Variants in VARS1 observed in about 807,000 individuals in gnomAD.
VARS1 encodes valyl-tRNA synthetase 1.
VARS1 carries 92 observed loss-of-function variants against 161.0 expected under a neutral mutation model. That is an observed-to-expected ratio of 0.57 (90% CI 0.48 to 0.68). The LOEUF is 0.68. VARS1 is among the 30% of genes least tolerant of loss of function. VARS1 has a pLI of 0.00. For missense variants in VARS1, 1,338 were observed against 1,695.9 expected (o/e 0.79, Z 3.71); for synonymous variants, 595 against 682.5 (o/e 0.87, Z 2.00).
chr6:31,791,736 C>G lies in VARS1; in HGVS notation c.974G>C (p.Arg325Pro). 1 of 1,613,010 alleles carries G rather than the reference C, an allele frequency of 6.2e-7. No individual in the cohort carries two copies. Among genetic ancestry groups the G allele is most frequent in the Non-Finnish European group, 8.5e-7 (1 of 1,179,998 alleles). Residue 325 changes from arginine (R) to proline (P), a missense_variant and splice_region_variant, in exon 8 of 30, where the codon CGT becomes CCT. Transcript: ENST00000375663. The surrounding 1 kb of genome is among the most constrained non-coding windows in gnomAD (Gnocchi z 5.0). ...GGGATTTGCTGCTGACACATTAGGA[C>G]GCTGATGGTGGAGAAGGATGGCACA... ...QQGFFKPEYG[R>P]PNVSAANPRG...
rs940705577 is a variant in VARS1, at chr6:31,781,826, A to C, written c.2347+21T>G. On this transcript the variant is annotated intron_variant, in intron 19 of 29. Coordinates refer to ENST00000375663, the MANE Select transcript of VARS1 (RefSeq NM_006295.3). The surrounding 1 kb of genome is among the most constrained non-coding windows in gnomAD (Gnocchi z 6.8). ...CTCTGCCCCCCACAACTCCCTCCAG[A>C]CCCTCAAAGCCCCGCCTTGCCTTGC... 6.2e-7 allele frequency: 1 copy of C among 1,612,628 alleles called. No individual in the cohort carries two copies. Among genetic ancestry groups the C allele is most frequent in the Non-Finnish European group, 8.5e-7 (1 of 1,179,938 alleles).
At position 31,780,405 on chromosome 6, in the gene VARS1, G is replaced by A; in HGVS notation, c.2925+36C>T. On this transcript the variant is annotated intron_variant, in intron 25 of 29. Transcript: ENST00000375663. The surrounding 1 kb of genome is among the most constrained non-coding windows in gnomAD (Gnocchi z 5.1). ...CTCCGGACAGGGGTACAGCCTGTGT[G>A]AGTGCTGCCAGCTTTGCTGCCCACC... is the stretch of plus-strand genomic sequence containing the variant. 6.2e-7 allele frequency: 1 copy of A among 1,601,462 alleles called. No individual in the cohort carries two copies. The highest frequency in any genetic ancestry group is 8.5e-7 in the Non-Finnish European group (1 of 1,173,790).
At position 31,785,386 on chromosome 6, in the gene VARS1, G is replaced by T; in HGVS notation, c.1266-59C>A. On this transcript the variant is annotated intron_variant, in intron 9 of 29. Transcript: ENST00000375663. This position sits in a 1 kb window ranked among gnomAD's most constrained non-coding sequence, Gnocchi z 6.1. ...CCTGGGCTAGAGGGAGACATCAGGT[G>T]GCTGACTGGGCAGTGTGGAGATCAC... is the stretch of plus-strand genomic sequence containing the variant. 1 of 1,601,046 alleles carries T rather than the reference G, an allele frequency of 6.2e-7. No homozygotes were observed. The highest frequency in any genetic ancestry group is 8.5e-7 in the Non-Finnish European group (1 of 1,170,896).
chr6:31,791,901 C>A lies in VARS1; in HGVS notation c.942G>T (p.Glu314Asp). 1 of 1,607,974 alleles carries A rather than the reference C, an allele frequency of 6.2e-7. No individual in the cohort carries two copies. Residue 314 changes from glutamate (E) to aspartate (D), a missense_variant, in exon 7 of 30, where the codon GAG (glutamate) becomes GAT (aspartate). Physicochemically the swap from Glu to Asp is conservative, Grantham distance 45. Transcript: ENST00000375663. The surrounding 1 kb of genome is among the most constrained non-coding windows in gnomAD (Gnocchi z 5.0). ...ACTCTGGCTTGAAGAAGCCCTGCTG[C>A]TCCCACCAAGGGTACCAGGCAGCCT... ...YVEAAWYPWW[E>D]QQGFFKPEYG...
At position 31,780,477 on chromosome 6, in the gene VARS1, G is replaced by T. The variant is rs1243611892; in HGVS notation, c.2889C>A (p.Gly963=). 2.5e-6 allele frequency: 4 copies of T among 1,614,008 alleles called. No individual in the cohort carries two copies. The highest frequency in any genetic ancestry group is 3.4e-6 in the Non-Finnish European group (4 of 1,179,992). ...GTGAGGGCACAAAACCCTTCCCAAGGCCACGAAGGGCAAACTTGGTGGCAT... is the reference window on the plus strand; with the variant it reads ...GTGAGGGCACAAAACCCTTCCCAAGTCCACGAAGGGCAAACTTGGTGGCAT... ...LWNATKFALR[G]LGKGFVPSPT... Residue 963 remains glycine (G), a synonymous_variant, in exon 25 of 30, where the codon GGC becomes GGA. Transcript: ENST00000375663. This position sits in a 1 kb window ranked among gnomAD's most constrained non-coding sequence, Gnocchi z 5.1.
chr6:31,788,030 G>A lies in VARS1; in HGVS notation c.1101-2297C>T, dbSNP rs1230425260. The stretch of plus-strand genomic sequence containing the variant: ...AGCTACTCAGGAGGCTGAGGCAGGA[G>A]AATGGTGTGAACCTGGGAGGAGGAG... On this transcript the variant is annotated intron_variant, in intron 8 of 29. Coordinates refer to ENST00000375663, the MANE Select transcript of VARS1 (RefSeq NM_006295.3). Among the ~76,000 whole-genome samples, 3 of 151,684 alleles carry A rather than the reference G, an allele frequency of 2.0e-5. No individual in the cohort carries two copies. The East Asian group carries it at 5.8e-4, about 30-fold the overall frequency.
chr6:31,795,367 G>C lies in VARS1; in HGVS notation c.-33-117C>G. On this transcript the variant is annotated intron_variant, in intron 1 of 29. Coordinates refer to ENST00000375663, the MANE Select transcript of VARS1 (RefSeq NM_006295.3). This position sits in a 1 kb window ranked among gnomAD's most constrained non-coding sequence, Gnocchi z 6.9. ...GCAGACACCCGAGTCCCATAGGACT[G>C]AGGGTCTGACCAGGCAGGCTGTCAG... 1.5e-6 allele frequency: 1 copy of C among 673,138 alleles called. No individual in the cohort carries two copies. Among genetic ancestry groups the C allele is most frequent in the Non-Finnish European group, 2.1e-6 (1 of 473,180 alleles). The allele number at this position is 673,138 out of a possible 1,614,324, so 41.7% of individuals were successfully genotyped here.
rs776001857 is a variant in VARS1 at position 31,779,506 on chromosome 6, C to T, written c.3319G>A (p.Ala1107Thr). The change falls in exon 28 of 30, where the codon GCC becomes ACC. Residue 1107 changes from alanine to threonine, a missense_variant. Physicochemically the swap from Ala to Thr is moderately conservative, Grantham distance 58 (BLOSUM62 0). Coordinates refer to ENST00000375663, the MANE Select transcript of VARS1 (RefSeq NM_006295.3). The surrounding 1 kb of genome is among the most constrained non-coding windows in gnomAD (Gnocchi z 9.1). ...GTGATGCTTAGCGCCAGCTCAAGGG[C>T]GGCTTCTGCCTCGGGGTCCTTCCAG... ...CSWKDPEAEA[A>T]LELALSITRA... 2.1e-5 allele frequency: 34 copies of T among 1,612,324 alleles called. No individual in the cohort carries two copies. The highest frequency in any genetic ancestry group is 1.3e-4 in the South Asian group (12 of 91,062).
chr6:31,792,917 T>C (rs111778263), intron 3 of VARS1, 22 bp from the exon 4 acceptor site: 1 of 1,614,068 alleles, frequency 6.2e-7, no homozygotes, highest in Non-Finnish European at 8.5e-7. Context: ...AATAAATGAC[T>C]CTTCTCAGTC....
chr6:31,791,684 T>C lies in VARS1; in HGVS notation c.1026A>G (p.Pro342=), dbSNP rs1686749797. 5 of 1,612,076 alleles carry C rather than the reference T, an allele frequency of 3.1e-6. No individual in the cohort carries two copies. The highest frequency in any genetic ancestry group is 4.2e-6 in the Non-Finnish European group (5 of 1,179,846). The change falls in exon 8 of 30, where the codon CCA becomes CCG. Residue 342 remains proline (P), a synonymous_variant. Transcript: ENST00000375663. This position sits in a 1 kb window ranked among gnomAD's most constrained non-coding sequence, Gnocchi z 5.0. ...GCAGGGAGCCTGTCACATTGGGGGG[T>C]GGGATGCACATCATGAAGACACCTC... The part of the protein sequence containing the change: ...NPRGVFMMCI[P]PPNVTGSLHL...
rs140366323 is a variant in VARS1, at chr6:31,781,871, G to T, written c.2323C>A (p.Pro775Thr). The T allele has an allele frequency of 6.2e-7, 1 of 1,612,848 alleles. No individual in the cohort carries two copies. The highest frequency in any genetic ancestry group is 8.5e-7 in the Non-Finnish European group (1 of 1,180,032). ...CCTTGCTGGAGACTGATCTTGTCAG[G>T]GGACACTCCGAACTCCTTGGCTGCC... The part of the protein sequence containing the change: ...EKAAKEFGVS[P>T]DKISLQQDED... The change falls in exon 19 of 30, where the codon CCT becomes ACT. Residue 775 changes from proline (P) to threonine (T), a missense_variant. By Grantham distance (38) the Pro-to-Thr change is conservative. Transcript: ENST00000375663. The surrounding 1 kb of genome is among the most constrained non-coding windows in gnomAD (Gnocchi z 6.8).
At position 31,782,042 on chromosome 6, in the gene VARS1, A is replaced by G; in HGVS notation, c.2241+45T>C. ...CCACCAAGGACCCAGTAAACCCACC[A>G]CTCCAGCAGGGTGTCCCAGCAGCTA... On this transcript the variant is annotated intron_variant, in intron 18 of 29. Coordinates refer to ENST00000375663, the MANE Select transcript of VARS1 (RefSeq NM_006295.3). The surrounding 1 kb of genome is among the most constrained non-coding windows in gnomAD (Gnocchi z 8.3). The G allele has an allele frequency of 6.2e-7, 1 of 1,610,548 alleles. No individual in the cohort carries two copies. Among genetic ancestry groups the G allele is most frequent in the Non-Finnish European group, 8.5e-7 (1 of 1,178,234 alleles).
chr6:31,794,985 A>AGCTGGGCCACAGCC lies in VARS1; in HGVS notation c.219_232dup (p.Leu78ArgfsTer35), dbSNP rs757026184. On this transcript the variant is annotated frameshift_variant, in exon 2 of 30. Coordinates refer to ENST00000375663, the MANE Select transcript of VARS1 (RefSeq NM_006295.3). LOFTEE classifies it high-confidence loss of function. ...GCCCCCCAGGCCTGCTGGCCACAGC[A>AGCTGGGCCACAGCC]GCTGGGCCACAGCCGTGGCCCCCCA... is the stretch of plus-strand genomic sequence containing the variant. 11 of 1,610,486 alleles carry AGCTGGGCCACAGCC rather than the reference A, an allele frequency of 6.8e-6. No homozygotes were observed. Among genetic ancestry groups the AGCTGGGCCACAGCC allele is most frequent in the Middle Eastern group, 1.7e-4 (1 of 5,946 alleles).
chr6:31,795,109 G>A lies in VARS1; in HGVS notation c.109C>T (p.His37Tyr). The change falls in exon 2 of 30, where the codon CAC becomes TAC. Residue 37 changes from histidine to tyrosine, a missense_variant. His to Tyr is a moderately conservative substitution (Grantham distance 83, BLOSUM62 2). Around this residue, in one of 3 missense-constraint regions of VARS1, gnomAD observed 902 missense variants for 1,090.3 expected, o/e 0.83. Coordinates refer to ENST00000375663, the MANE Select transcript of VARS1 (RefSeq NM_006295.3). The surrounding 1 kb of genome is among the most constrained non-coding windows in gnomAD (Gnocchi z 6.9). ...AGEGPGWGGAHPRICLQPPPT... is the reference protein window; with the variant it reads ...AGEGPGWGGAYPRICLQPPPT... ...GGTGGCTGGAGACAGATGCGGGGGT[G>A]GGCTCCTCCCCATCCGGGACCCTCC... The A allele has an allele frequency of 1.3e-6, 2 of 1,487,180 alleles. No individual in the cohort carries two copies. Among genetic ancestry groups the A allele is most frequent in the Non-Finnish European group, 1.8e-6 (2 of 1,116,856 alleles). The allele number at this position is 1,487,180 out of a possible 1,614,324, so 92.1% of individuals were successfully genotyped here.
Position 31,778,754 on chromosome 6 carries a change from A to C in VARS1, c.3726+213T>G. ...ACCCCTGGGCTCAAGTGATCCACCCACCTTGGCCTCCCAAATTTCTGGGAT... is the reference window on the plus strand; with the variant it reads ...ACCCCTGGGCTCAAGTGATCCACCCCCCTTGGCCTCCCAAATTTCTGGGAT... On this transcript the variant is annotated intron_variant, in intron 29 of 29. Transcript: ENST00000375663. This position sits in a 1 kb window ranked among gnomAD's most constrained non-coding sequence, Gnocchi z 5.1. The C allele has an allele frequency of 1.6e-6, 1 of 642,524 alleles. No individual in the cohort carries two copies. Among genetic ancestry groups the C allele is most frequent in the Non-Finnish European group, 2.6e-6 (1 of 380,488 alleles). The allele number at this position is 642,524 out of a possible 1,614,324, so 39.8% of individuals were successfully genotyped here. A position where few individuals can be genotyped will look rare whatever the true frequency, so the allele number is the denominator to read the frequency against.
At position 31,781,794 on chromosome 6, in the gene VARS1, A is replaced by C; in HGVS notation, c.2348-33T>G. On this transcript the variant is annotated intron_variant, in intron 19 of 29. Transcript: ENST00000375663. This position sits in a 1 kb window ranked among gnomAD's most constrained non-coding sequence, Gnocchi z 6.8. ...AGGCCAAAGGTCAGAGGTCAGAGGG[A>C]GTGGAGCTCTGCCCCCCACAACTCC... 3.7e-6 allele frequency: 6 copies of C among 1,612,860 alleles called. No individual in the cohort carries two copies. The highest frequency in any genetic ancestry group is 5.1e-6 in the Non-Finnish European group (6 of 1,179,868).
intron 8 of VARS1, among the ~76,000 whole-genome samples, chr6:31,789,183 A>C (rs991442067): frequency 6.6e-6 from 1 of 152,162 alleles, no homozygotes; most frequent in Admixed American, 6.5e-5. Flanking sequence ...ACTACCACAC[A>C]ATAATACAAC....
intron 8 of VARS1, among the ~76,000 whole-genome samples, chr6:31,789,173 A>C (rs1357110161): frequency 6.6e-6 from 1 of 152,184 alleles, no homozygotes; most frequent in Non-Finnish European, 1.5e-5. Flanking sequence ...TAACAGGAAA[A>C]CTACCACACA....
chr6:31,781,700 C>G lies in VARS1; in HGVS notation c.2409G>C (p.Trp803Cys). Residue 803 changes from tryptophan (W) to cysteine (C), a missense_variant, in exon 20 of 30, where the codon TGG (tryptophan) becomes TGC (cysteine). By Grantham distance (215) the Trp-to-Cys change is radical. This residue lies in a region of VARS1 where 902 missense variants were observed against 1,090.3 expected (regional missense o/e 0.83). Transcript: ENST00000375663. The surrounding 1 kb of genome is among the most constrained non-coding windows in gnomAD (Gnocchi z 6.8). The part of the protein sequence containing the change: ...SGLFPLSILG[W>C]PNQSEDLSVF... ...GGCCCCAGGAACACACCTGGTTGGG[C>G]CAGCCCAAAATGGATAAGGGGAAGA... is the stretch of plus-strand genomic sequence containing the variant. 6.2e-7 allele frequency: 1 copy of G among 1,613,004 alleles called. No homozygotes were observed. Among genetic ancestry groups the G allele is most frequent in the Non-Finnish European group, 8.5e-7 (1 of 1,179,986 alleles).
Sources: allele counts gnomAD v4.1 joint callset (sites outside exome capture counted in the v4.1 genomes callset), GRCh38; gene constraint gnomAD v4.1.1; regional missense constraint gnomAD v4.1.1; non-coding constraint Gnocchi (gnomAD v3.1); transcripts MANE v1.5; gene names NCBI Gene and HGNC (gene_info 2026-07-23, HGNC 2026-07-21).